Variants in GLB1 observed in about 807,000 individuals in gnomAD.
GLB1 encodes the protein galactosidase beta 1, also known as beta-galactosidase.
GLB1 carries 56 observed loss-of-function variants against 74.0 expected under a neutral mutation model. That is an observed-to-expected ratio of 0.76 (90% CI 0.61 to 0.94). The LOEUF (loss-of-function observed/expected upper bound fraction) is 0.94. Ranked by LOEUF, GLB1 falls within the 40% of genes least tolerant of loss-of-function variation. GLB1 has a pLI of 0.00. For synonymous variants in GLB1, 323 were observed against 323.6 expected (o/e 1.00, Z 0.02); for missense variants, 787 against 845.5 (o/e 0.93, Z 0.86).
chr3:32,995,944 A>C (rs1456182687), downstream of GLB1, among the ~76,000 whole-genome samples: 1 of 152,186 alleles, frequency 6.6e-6, no homozygotes, highest in Non-Finnish European at 1.5e-5. Context: ...TCCAGATATA[A>C]GTATATGAAC....
At chr3:33,053,434 G>C in intron 7 of GLB1, 57 bp downstream of exon 7, 1 of 1,613,290 alleles carries the variant, frequency 6.2e-7, no homozygotes, top group Non-Finnish European at 8.5e-7. Context: ...AGTTTCAGCA[G>C]CATGTAACTT....
chr3:32,973,916 A>C, the GLB1 span, among the ~76,000 whole-genome samples: 1 of 152,166 alleles, frequency 6.6e-6, no homozygotes, highest in Non-Finnish European at 1.5e-5. Context: ...CACTTGAAGC[A>C]AGCAGCAGCT....
intron 10 of GLB1, chr3:33,030,478 C>T (rs1697959993): frequency 1.0e-6 from 1 of 983,760 alleles, no homozygotes; most frequent in East Asian, 1.1e-4. Context: ...AACCATCAGA[C>T]ATAAAACACT....
intron 1 of GLB1, chr3:33,092,975 C>G: frequency 6.2e-7 from 1 of 1,614,192 alleles, no homozygotes; most frequent in Non-Finnish European, 8.5e-7. Flanking sequence ...AGAAGGGATT[C>G]AGGAGATAGG....
chr3:32,997,062 A>ATGAATCTT lies in GLB1; in HGVS notation c.2009_2016dup (p.Trp673LysfsTer16), dbSNP rs1696330480. 1.2e-6 allele frequency: 2 copies of ATGAATCTT among 1,613,952 alleles called. No homozygotes were observed. The highest frequency in any genetic ancestry group is 1.7e-6 in the Non-Finnish European group (2 of 1,179,998). On this transcript the variant is annotated frameshift_variant, in exon 16 of 16. Coordinates refer to ENST00000307363, the MANE Select transcript of GLB1 (RefSeq NM_000404.4). LOFTEE classifies it high-confidence loss of function. ...TTTCATCATCATACATGGTCCAGCC[A>ATGAATCTT]TGAATCTTTGTTTTTTTGCGGGGGT...
At chr3:33,033,792 A>C (rs1698156164) in intron 10 of GLB1, 1 of 310,928 alleles carries the variant, frequency 3.2e-6, no homozygotes, top group South Asian at 2.8e-5. Context: ...AAAAAAAAAA[A>C]AAAAAGGTGG....
chr3:33,003,861 C>G (rs2125450482), intron 15 of GLB1, among the ~76,000 whole-genome samples: 1 of 152,260 alleles, frequency 6.6e-6, no homozygotes, highest in South Asian at 2.1e-4. Context: ...GAAACCCCAT[C>G]TCTACTAAAA....
At chr3:32,979,053 C>T in the GLB1 span, among the ~76,000 whole-genome samples, 8 of 151,390 alleles carry the variant, frequency 5.3e-5, no homozygotes, top group East Asian at 1.9e-4. Flanking sequence ...CTCAATTCAC[C>T]GCAACCACCG....
intron 1 of GLB1, chr3:33,096,616 T>C (rs745426278): frequency 3.3e-5 from 35 of 1,063,350 alleles, no homozygotes; most frequent in Non-Finnish European, 4.0e-5. Context: ...GAGCACCAAC[T>C]GGGAAAGCGA....
chr3:33,026,129 G>A (rs1697743902), intron 10 of GLB1, among the ~76,000 whole-genome samples: 3 of 152,258 alleles, frequency 2.0e-5, no homozygotes, highest in Non-Finnish European at 4.4e-5. Flanking sequence ...CAGCTACCAA[G>A]CTGCAGCTGC....
chr3:32,986,386 ACTTAG>A, the GLB1 span, among the ~76,000 whole-genome samples: 1 of 152,210 alleles, frequency 6.6e-6, no homozygotes, highest in Non-Finnish European at 1.5e-5. Context: ...ATGTAACATA[ACTTAG>A]CTTATATTGA....
At chr3:33,066,235 G>C (rs1158315613) in intron 4 of GLB1, among the ~76,000 whole-genome samples, 2 of 152,186 alleles carry the variant, frequency 1.3e-5, no homozygotes, top group Non-Finnish European at 2.9e-5. Context: ...CAATGTGGTA[G>C]TATTGAGAGG....
At chr3:33,020,463 T>A (rs2125472836) in intron 12 of GLB1, among the ~76,000 whole-genome samples, 1 of 152,330 alleles carries the variant, frequency 6.6e-6, no homozygotes, top group South Asian at 2.1e-4. Flanking sequence ...CTCACGGGCA[T>A]CCTGCTATCA....
chr3:33,096,951 G>A lies in GLB1; in HGVS notation c.75+60C>T, dbSNP rs901803596. ...CCGCGGGTGGCTGCGACCCCAGCCC[G>A]GTTCCCCGCCAGCCTGTCCCCTAGC... On this transcript the variant is annotated intron_variant, in intron 1 of 15. Coordinates refer to ENST00000307363, the MANE Select transcript of GLB1 (RefSeq NM_000404.4). The A allele has an allele frequency of 4.4e-6, 7 of 1,582,330 alleles. No individual in the cohort carries two copies. In the African/African-American group the frequency reaches 8.2e-5, roughly 19 times the overall value.
chr3:33,093,364 G>A lies in GLB1; in HGVS notation c.75+3647C>T. The A allele has an allele frequency of 6.2e-7, 1 of 1,614,208 alleles. No individual in the cohort carries two copies. Among genetic ancestry groups the A allele is most frequent in the Non-Finnish European group, 8.5e-7 (1 of 1,180,046 alleles). On this transcript the variant is annotated intron_variant, in intron 1 of 15. Transcript: ENST00000307363. This position sits in a 1 kb window ranked among gnomAD's most constrained non-coding sequence, Gnocchi z 6.0. ...CTGACATCTGACGTGTAGTACTCAT[G>A]ATTGCCTGTGACGAAGTAGGCACCG...
chr3:33,035,340 G>T (rs1698226040), intron 10 of GLB1, among the ~76,000 whole-genome samples: 2 of 152,076 alleles, frequency 1.3e-5, no homozygotes, highest in African/African-American at 4.8e-5. Context: ...GCTGAGGCAG[G>T]AGGACCGCTT....
At chr3:33,043,399 T>C (rs1009591516) in intron 10 of GLB1, among the ~76,000 whole-genome samples, 2 of 152,150 alleles carry the variant, frequency 1.3e-5, no homozygotes, top group Admixed American at 6.5e-5. Context: ...GTTGTTCTTT[T>C]CTGGGGGTAT....
At chr3:32,963,686 C>T in the GLB1 span, among the ~76,000 whole-genome samples, 1 of 152,108 alleles carries the variant, frequency 6.6e-6, no homozygotes, top group Non-Finnish European at 1.5e-5. Flanking sequence ...CAGCTATATA[C>T]CTATACCATT....
chr3:33,026,057 G>A (rs1559388230), intron 10 of GLB1, among the ~76,000 whole-genome samples: 1 of 152,168 alleles, frequency 6.6e-6, no homozygotes, highest in South Asian at 2.1e-4. Flanking sequence ...GGGCCCCGAG[G>A]TAGAGCTGTG....
Sources: allele counts gnomAD v4.1 joint callset (sites outside exome capture counted in the v4.1 genomes callset), GRCh38; gene constraint gnomAD v4.1.1; non-coding constraint Gnocchi (gnomAD v3.1); transcripts MANE v1.5; gene names NCBI Gene and HGNC (gene_info 2026-07-23, HGNC 2026-07-21).